The following FRMD3 variants were observed in gnomAD, a reference collection of about 807,000 sequenced individuals.
FRMD3 encodes the protein FERM domain-containing protein 3.
A neutral mutation model predicts 70.2 loss-of-function variants in FRMD3; 33 were observed. The observed-to-expected ratio is 0.47, with a 90% CI of 0.36 to 0.63. The LOEUF (loss-of-function observed/expected upper bound fraction) is 0.63. Ranked by LOEUF, FRMD3 falls within the 20% of genes least tolerant of loss-of-function variation. The probability of loss-of-function intolerance (pLI) is 0.00; values close to 1 mark genes in which losing one functional copy is unlikely to be tolerated. For synonymous variants in FRMD3, 279 were observed against 255.9 expected (o/e 1.09, Z -0.86); for missense variants, 632 against 711.4 (o/e 0.89, Z 1.27).
intron 1 of FRMD3, among the ~76,000 whole-genome samples, chr9:83,494,833 A>ATGTGTG (rs377201441): frequency 0.073 from 10,857 of 149,354 alleles, 493 homozygotes; most frequent in East Asian, 0.23. Context: ...CTGTGCATTT[A>ATGTGTG]TGTGTGTGTG....
intron 13 of FRMD3, among the ~76,000 whole-genome samples, chr9:83,260,208 G>A (rs569013912): frequency 5.9e-5 from 9 of 152,220 alleles, no homozygotes; most frequent in Non-Finnish European, 1.0e-4. Flanking sequence ...ATGTCTACTC[G>A]GCTGGATACT....
chr9:83,292,491 A>T (rs1015362505), intron 12 of FRMD3, among the ~76,000 whole-genome samples: 1 of 151,740 alleles, frequency 6.6e-6, no homozygotes, highest in Non-Finnish European at 1.5e-5. Flanking sequence ...ATCTCCCTGT[A>T]CCCAAACACA....
intron 1 of FRMD3, among the ~76,000 whole-genome samples, chr9:83,525,557 T>C (rs1424831504): frequency 8.5e-5 from 13 of 152,226 alleles, no homozygotes; most frequent in Admixed American, 8.5e-4. Flanking sequence ...TTTTGTAGCA[T>C]GTTGATAGGA....
chr9:83,409,822 G>A (rs758926067), intron 1 of FRMD3, among the ~76,000 whole-genome samples: 12 of 152,154 alleles, frequency 7.9e-5, no homozygotes, highest in Non-Finnish European at 1.3e-4. Flanking sequence ...TTTCCACCAA[G>A]TCACTGGTCC....
At chr9:83,401,519 T>C (rs574171383) in intron 1 of FRMD3, among the ~76,000 whole-genome samples, 45 of 152,358 alleles carry the variant, frequency 3.0e-4, no homozygotes, top group Middle Eastern at 3.4e-3. Flanking sequence ...CAGGATAGGC[T>C]AGATTAAGCT....
chr9:83,306,400 C>T (rs1835138127), intron 10 of FRMD3, among the ~76,000 whole-genome samples: 1 of 152,162 alleles, frequency 6.6e-6, no homozygotes, highest in African/African-American at 2.4e-5. Context: ...GGTCCCTTAT[C>T]ACCTCTTTTT....
chr9:83,274,774 C>CAA (rs1044377969), intron 13 of FRMD3, among the ~76,000 whole-genome samples: 2 of 152,166 alleles, frequency 1.3e-5, no homozygotes, highest in Non-Finnish European at 2.9e-5. Flanking sequence ...CTACTTCCAG[C>CAA]AAAGACTGTA....
At chr9:83,316,308 G>A (rs13284048) in intron 6 of FRMD3, among the ~76,000 whole-genome samples, 28,187 of 151,400 alleles carry the variant, frequency 0.19, 2,750 homozygotes, top group African/African-American at 0.24. Flanking sequence ...ACTGGTGCCC[G>A]CCACCACACC....
intron 1 of FRMD3, among the ~76,000 whole-genome samples, chr9:83,523,287 AATG>A (rs1829619719): frequency 1.3e-5 from 2 of 152,032 alleles, no homozygotes; most frequent in South Asian, 2.1e-4. Flanking sequence ...AGAGTGGATA[AATG>A]ATGAATGAAT....
At chr9:83,330,422 A>T (rs1836214920) in intron 6 of FRMD3, among the ~76,000 whole-genome samples, 1 of 152,156 alleles carries the variant, frequency 6.6e-6, no homozygotes, top group African/African-American at 2.4e-5. Flanking sequence ...GGGAGGAATA[A>T]CCTATTTCTA....
intron 1 of FRMD3, among the ~76,000 whole-genome samples, chr9:83,435,775 TC>T (rs1827116259): frequency 6.6e-6 from 1 of 152,196 alleles, no homozygotes; most frequent in Admixed American, 6.5e-5. Flanking sequence ...GGGGCTTGTT[TC>T]AAATGGAGAT....
upstream of FRMD3, among the ~76,000 whole-genome samples, chr9:83,543,148 C>T (rs940560870): frequency 1.3e-5 from 2 of 151,752 alleles, no homozygotes; most frequent in African/African-American, 4.8e-5. Flanking sequence ...CACCCAATCT[C>T]CCCAAAAAAG....
intron 1 of FRMD3, among the ~76,000 whole-genome samples, chr9:83,441,924 C>A (rs1827309203): frequency 6.6e-6 from 1 of 152,184 alleles, no homozygotes; most frequent in African/African-American, 2.4e-5. Context: ...TCTTTACAGA[C>A]ATTTTAGGCA....
intron 5 of FRMD3, among the ~76,000 whole-genome samples, chr9:83,336,302 T>C (rs1416288265): frequency 2.0e-5 from 3 of 151,984 alleles, no homozygotes; most frequent in Non-Finnish European, 4.4e-5. Flanking sequence ...ATACCATAAA[T>C]ATATATAATG....
chr9:83,402,898 C>CTTTTTTTTTTT (rs559570925), intron 1 of FRMD3, among the ~76,000 whole-genome samples: 90 of 87,274 alleles, frequency 1.0e-3, no homozygotes, highest in Non-Finnish European at 1.3e-3. Context: ...TTCTTTCTTT[C>CTTTTTTTTTTT]TTTTTTTTTT....
At chr9:83,266,613 G>A (rs555523018) in intron 13 of FRMD3, among the ~76,000 whole-genome samples, 137 of 152,246 alleles carry the variant, frequency 9.0e-4, no homozygotes, top group Non-Finnish European at 1.8e-3. Flanking sequence ...CAAGCAAGCA[G>A]ATCTGAGCTC....
At chr9:83,394,245 T>C (rs189218524) in intron 1 of FRMD3, among the ~76,000 whole-genome samples, 1 of 152,308 alleles carries the variant, frequency 6.6e-6, no homozygotes, top group East Asian at 1.9e-4. Flanking sequence ...CTCCTGGGTA[T>C]GGCAGGATAC....
intron 1 of FRMD3, among the ~76,000 whole-genome samples, chr9:83,437,757 A>G (rs909113492): frequency 2.0e-5 from 3 of 152,186 alleles, no homozygotes; most frequent in Non-Finnish European, 4.4e-5. Flanking sequence ...AAATACAAAG[A>G]AAAGAGAGAC....
chr9:83,568,863 T>C, the FRMD3 span, among the ~76,000 whole-genome samples: 1 of 152,108 alleles, frequency 6.6e-6, no homozygotes, highest in African/African-American at 2.4e-5. Context: ...CATTGATCTA[T>C]ATCAAAATAT....
Sources: allele counts gnomAD v4.1 joint callset (sites outside exome capture counted in the v4.1 genomes callset), GRCh38; gene constraint gnomAD v4.1.1; transcripts MANE v1.5; gene names NCBI Gene and HGNC (gene_info 2026-07-23, HGNC 2026-07-21).